Variants in MAGI2 observed in about 807,000 individuals in gnomAD.
MAGI2 encodes the protein membrane associated guanylate kinase, WW and PDZ domain containing 2.
A neutral mutation model predicts 133.3 loss-of-function variants in MAGI2; 35 were observed. The observed-to-expected ratio is 0.26, with a 90% CI of 0.20 to 0.35. MAGI2 has a LOEUF of 0.35. Among genes scored for constraint, MAGI2 ranks in the 10% least tolerant of loss-of-function variants. The pLI is 1.00. For synonymous variants in MAGI2, 729 were observed against 710.6 expected, an observed-to-expected ratio of 1.03 and a Z score of -0.41; for missense variants, 1,636 against 1,863.4, an observed-to-expected ratio of 0.88 and a Z score of 2.25.
In MAGI2 at chr7:79,214,441, AT is replaced by A. The variant is rs1464061085; in HGVS notation, c.302-207236del. 2.5e-4 allele frequency among the ~76,000 whole-genome samples: 30 copies of A among 121,636 alleles called. 1 individual carries two copies. The highest frequency in any genetic ancestry group is 4.4e-4 in the Non-Finnish European group (26 of 58,536). The allele number at this position is 121,636 out of a possible 152,430, so 79.8% of individuals were successfully genotyped here. A position where few individuals can be genotyped will look rare whatever the true frequency, so the allele number is the denominator to read the frequency against. On this transcript the variant is annotated intron_variant, in intron 1 of 21. Transcript: ENST00000354212. Reference sequence around the variant, plus strand: ...TATATATATATATATATATATATATATAAATATGCACACACACACAAACATA... The same window carrying A: ...TATATATATATATATATATATATATAAAATATGCACACACACACAAACATA...
chr7:78,948,921 T>C (rs1801648728), intron 2 of MAGI2, among the ~76,000 whole-genome samples: 1 of 152,086 alleles, frequency 6.6e-6, no homozygotes, highest in Admixed American at 6.6e-5. Context: ...AACAGACACA[T>C]GCTCCTAAAT....
chr7:78,341,626 AC>A (rs200319268), intron 9 of MAGI2, among the ~76,000 whole-genome samples: 5,581 of 152,270 alleles, frequency 0.037, 156 homozygotes, highest in South Asian at 0.13. Context: ...GGCCAATGGA[AC>A]AGAACAGAGG....
chr7:78,328,449 C>T (rs912448678), intron 9 of MAGI2, among the ~76,000 whole-genome samples: 2 of 146,736 alleles, frequency 1.4e-5, no homozygotes, highest in Non-Finnish European at 3.0e-5. Flanking sequence ...TCTTGTTTTC[C>T]AGGAATGTTC....
At chr7:78,868,093 C>T (rs1423644382) in intron 2 of MAGI2, among the ~76,000 whole-genome samples, 1 of 152,000 alleles carries the variant, frequency 6.6e-6, no homozygotes, top group Non-Finnish European at 1.5e-5. Context: ...AAAAAGATAA[C>T]ATAATACAGA....
chr7:78,758,020 C>T (rs997542121), intron 2 of MAGI2, among the ~76,000 whole-genome samples: 10 of 152,174 alleles, frequency 6.6e-5, no homozygotes, highest in African/African-American at 2.4e-4. Context: ...TTCCACCCCA[C>T]AGATAGCTCT....
At chr7:78,266,165 C>T (rs555275633) in intron 9 of MAGI2, among the ~76,000 whole-genome samples, 25 of 152,258 alleles carry the variant, frequency 1.6e-4, no homozygotes, top group African/African-American at 5.8e-4. Flanking sequence ...TACTACCTGA[C>T]CTAGGCACGT....
chr7:78,556,232 T>G (rs1799811196), intron 3 of MAGI2, among the ~76,000 whole-genome samples: 1 of 152,184 alleles, frequency 6.6e-6, no homozygotes, highest in African/African-American at 2.4e-5. Context: ...TTGAATGACT[T>G]ACAGGGGTCA....
At chr7:78,915,502 A>C (rs1241534567) in intron 2 of MAGI2, among the ~76,000 whole-genome samples, 1 of 152,064 alleles carries the variant, frequency 6.6e-6, no homozygotes, top group Non-Finnish European at 1.5e-5. Context: ...GGAAAAACCT[A>C]CTCTAAGTCC....
At chr7:78,637,863 G>T (rs1303725544) in intron 2 of MAGI2, among the ~76,000 whole-genome samples, 1 of 152,132 alleles carries the variant, frequency 6.6e-6, no homozygotes, top group African/African-American at 2.4e-5. Flanking sequence ...CACTTTGGAA[G>T]GCTAAGGAGT....
chr7:79,288,894 C>A (rs1023907490), intron 1 of MAGI2, among the ~76,000 whole-genome samples: 1 of 152,026 alleles, frequency 6.6e-6, no homozygotes, highest in Non-Finnish European at 1.5e-5. Context: ...AGACTTTTTT[C>A]TTTTTTTAAG....
At chr7:78,064,328 TTGTGTGTG>T (rs3840609) in intron 21 of MAGI2, among the ~76,000 whole-genome samples, 5 of 148,494 alleles carry the variant, frequency 3.4e-5, no homozygotes, top group East Asian at 3.9e-4. Flanking sequence ...TGTGATGGTT[TTGTGTGTG>T]TGTGTGTGTG....
chr7:78,600,410 T>C (rs1805074439), intron 3 of MAGI2, among the ~76,000 whole-genome samples: 1 of 152,162 alleles, frequency 6.6e-6, no homozygotes, highest in Non-Finnish European at 1.5e-5. Flanking sequence ...AAAATATAGA[T>C]ATTCTATCCA....
intron 2 of MAGI2, among the ~76,000 whole-genome samples, chr7:78,860,937 G>C (rs1794104867): frequency 6.6e-6 from 1 of 152,154 alleles, no homozygotes; most frequent in African/African-American, 2.4e-5. Context: ...TCAAGCCTCA[G>C]CAATGGCGGG....
intron 2 of MAGI2, among the ~76,000 whole-genome samples, chr7:78,827,906 A>T (rs1000249292): frequency 1.1e-4 from 17 of 152,092 alleles, no homozygotes; most frequent in Non-Finnish European, 1.8e-4. Flanking sequence ...ATTTTTTGAG[A>T]CAGAGTCTCA....
intron 2 of MAGI2, among the ~76,000 whole-genome samples, chr7:78,652,950 A>AT (rs779982354): frequency 2.1e-4 from 32 of 152,006 alleles, no homozygotes; most frequent in Non-Finnish European, 4.1e-4. Context: ...GAAAAAAAAA[A>AT]CACCCCATCA....
chr7:78,555,395 T>C (rs1459415640), intron 3 of MAGI2, among the ~76,000 whole-genome samples: 2 of 152,106 alleles, frequency 1.3e-5, no homozygotes, highest in African/African-American at 4.8e-5. Context: ...TAGTTTCATA[T>C]GTAGATGATA....
chr7:78,749,051 G>A (rs1465843970), intron 2 of MAGI2, among the ~76,000 whole-genome samples: 4 of 152,186 alleles, frequency 2.6e-5, no homozygotes, highest in African/African-American at 9.7e-5. Context: ...GGAGAGATAA[G>A]AAATGCACAT....
intron 2 of MAGI2, among the ~76,000 whole-genome samples, chr7:78,739,091 T>C (rs1200177215): frequency 6.6e-6 from 1 of 152,228 alleles, no homozygotes; most frequent in Non-Finnish European, 1.5e-5. Flanking sequence ...AGAGCATTGA[T>C]TGTTTTCAAG....
At chr7:79,229,794 A>AT (rs1563020953) in intron 1 of MAGI2, among the ~76,000 whole-genome samples, 1 of 151,538 alleles carries the variant, frequency 6.6e-6, no homozygotes, top group Non-Finnish European at 1.5e-5. Flanking sequence ...TTTTTTAAAA[A>AT]TTTTTTTTTA....
Sources: allele counts gnomAD v4.1 joint callset (sites outside exome capture counted in the v4.1 genomes callset), GRCh38; gene constraint gnomAD v4.1.1; transcripts MANE v1.5; gene names NCBI Gene and HGNC (gene_info 2026-07-23, HGNC 2026-07-21).